The following RAB2A variants were observed in gnomAD, a reference collection of about 807,000 sequenced individuals.
The protein encoded by RAB2A is ras-related protein Rab-2A.
A neutral mutation model predicts 32.5 loss-of-function variants in RAB2A; 7 were observed. The ratio of observed to expected loss-of-function variants is 0.22; its 90% CI spans 0.12 to 0.40. RAB2A has a LOEUF of 0.40. Among genes scored for constraint, RAB2A ranks in the 10% least tolerant of loss-of-function variants. The probability of loss-of-function intolerance (pLI) is 1.00; values close to 1 mark genes in which losing one functional copy is unlikely to be tolerated. For synonymous variants in RAB2A, 79 were observed against 85.2 expected (o/e 0.93, Z 0.40); for missense variants, 108 against 260.7 (o/e 0.41, Z 4.03).
chr8:60,569,877 A>C, intron 2 of RAB2A: 1 of 428,270 alleles, frequency 2.3e-6, no homozygotes, highest in Non-Finnish European at 4.7e-6. Context: ...TAAGGTAAGC[A>C]AAGAGAATAT....
At chr8:60,557,349 C>T (rs556730256) in intron 1 of RAB2A, among the ~76,000 whole-genome samples, 284 of 152,156 alleles carry the variant, frequency 1.9e-3, no homozygotes, top group Non-Finnish European at 2.6e-3. Flanking sequence ...CACCCTGTCT[C>T]TACTAAAGAT....
At chr8:60,570,155 C>T in intron 2 of RAB2A, 1 of 403,778 alleles carries the variant, frequency 2.5e-6, no homozygotes, top group East Asian at 7.4e-5. Context: ...ACCTGCTCAC[C>T]CTTGGTATCA....
At chr8:60,536,271 T>C (rs1005443520) in intron 1 of RAB2A, among the ~76,000 whole-genome samples, 2 of 152,020 alleles carry the variant, frequency 1.3e-5, no homozygotes, top group Non-Finnish European at 2.9e-5. Flanking sequence ...ATTTTGTTAC[T>C]GTTAATACAT....
At chr8:60,559,942 G>C (rs568679740) in intron 2 of RAB2A, among the ~76,000 whole-genome samples, 29 of 152,188 alleles carry the variant, frequency 1.9e-4, no homozygotes, top group Non-Finnish European at 3.5e-4. Context: ...TACAGGTATA[G>C]TACTTTGTGG....
intron 1 of RAB2A, among the ~76,000 whole-genome samples, chr8:60,554,821 C>T (rs1807909620): frequency 6.6e-6 from 1 of 151,946 alleles, no homozygotes; most frequent in Admixed American, 6.5e-5. Flanking sequence ...CCACTGCACT[C>T]CAGCCTGGGC....
At chr8:60,619,111 C>G (rs1183559329) in intron 7 of RAB2A, 2 of 151,668 alleles carry the variant, frequency 1.3e-5, no homozygotes, top group Non-Finnish European at 2.9e-5. Context: ...CCCAATATAG[C>G]ATAGCATGTT....
At chr8:60,574,957 A>G (rs1037591013) in intron 3 of RAB2A, among the ~76,000 whole-genome samples, 2 of 152,140 alleles carry the variant, frequency 1.3e-5, no homozygotes, top group South Asian at 2.1e-4. Context: ...CAGCTTCTAC[A>G]TGGAGAGCTC....
At chr8:60,564,626 A>C (rs889548427) in intron 2 of RAB2A, among the ~76,000 whole-genome samples, 1 of 152,026 alleles carries the variant, frequency 6.6e-6, no homozygotes, top group Admixed American at 6.6e-5. Context: ...TGTCCCAAAT[A>C]GTTTCTGATT....
At chr8:60,613,199 A>G (rs1030507603) in intron 6 of RAB2A, among the ~76,000 whole-genome samples, 1 of 152,186 alleles carries the variant, frequency 6.6e-6, no homozygotes, top group Non-Finnish European at 1.5e-5. Context: ...ACTATAGAGC[A>G]TTGATCACCA....
intron 6 of RAB2A, among the ~76,000 whole-genome samples, chr8:60,593,119 C>T (rs148406666): frequency 2.4e-4 from 37 of 152,200 alleles, no homozygotes; most frequent in Middle Eastern, 6.8e-3. Flanking sequence ...GTATTTTCAC[C>T]GAAGAATTCT....
Position 60,618,580 on chromosome 8 carries a change from G to T in RAB2A, c.475G>T (p.Ala159Ser). The change falls in exon 7 of 8, where the codon GCA becomes TCA. Residue 159 changes from alanine (A) to serine (S), a missense_variant and splice_region_variant. Ala to Ser is a moderately conservative substitution (Grantham distance 99). This residue lies in a region of RAB2A where 79 missense variants were observed against 199.8 expected (regional missense o/e 0.40). Coordinates refer to ENST00000262646, the MANE Select transcript of RAB2A (RefSeq NM_002865.3). ...SAKTASNVEE[A>S]FINTAKEIYE... is the part of the protein sequence containing the mutation. ...ATGAACCAATTTCTCTATATTTCAG[G>T]CATTTATTAATACAGCAAAAGAAAT... The T allele has an allele frequency of 8.2e-7, 1 of 1,217,640 alleles. No individual in the cohort carries two copies. The highest frequency in any genetic ancestry group is 1.1e-6 in the Non-Finnish European group (1 of 910,630). The allele number at this position is 1,217,640 out of a possible 1,614,324, so 75.4% of individuals were successfully genotyped here. A position where few individuals can be genotyped will look rare whatever the true frequency, so the allele number is the denominator to read the frequency against.
rs574477233 is a variant in RAB2A at position 60,523,732 on chromosome 8, C to A, written c.46+6479C>A. Among the ~76,000 whole-genome samples the A allele has an allele frequency of 9.7e-4, 146 of 150,648 alleles. 1 individual carries two copies. Among genetic ancestry groups the A allele is most frequent in the Non-Finnish European group, 1.8e-3 (123 of 67,770 alleles). On this transcript the variant is annotated intron_variant, in intron 1 of 7. Transcript: ENST00000262646. ...TTTGAGACAAGTCTCGCTTTGTCGC[C>A]CAGGCTAGAGTGCAGTGGCGCGATC...
At chr8:60,564,556 C>G (rs1030873355) in intron 2 of RAB2A, among the ~76,000 whole-genome samples, 2 of 152,104 alleles carry the variant, frequency 1.3e-5, no homozygotes, top group African/African-American at 4.8e-5. Flanking sequence ...ATGTACAGAT[C>G]TAGCTACTTA....
intron 6 of RAB2A, among the ~76,000 whole-genome samples, chr8:60,611,166 G>A (rs1804340232): frequency 6.6e-6 from 1 of 152,078 alleles, no homozygotes; most frequent in African/African-American, 2.4e-5. Flanking sequence ...CATTGCTCTG[G>A]ACTCCTCAGT....
chr8:60,611,913 A>G (rs1023975833), intron 6 of RAB2A, among the ~76,000 whole-genome samples: 8 of 152,348 alleles, frequency 5.3e-5, no homozygotes, highest in Admixed American at 3.9e-4. Context: ...CCAATTATTA[A>G]TCTGCATTGC....
At chr8:60,619,786 G>A (rs1233927408) in intron 7 of RAB2A, among the ~76,000 whole-genome samples, 1 of 152,182 alleles carries the variant, frequency 6.6e-6, no homozygotes, top group African/African-American at 2.4e-5. Context: ...TGATTGTAAT[G>A]TGCTGTTGGG....
In RAB2A at chr8:60,592,926, C is replaced by A. The variant is rs992558191; in HGVS notation, c.474+957C>A. Among the ~76,000 whole-genome samples, 3 of 152,222 alleles carry A rather than the reference C, an allele frequency of 2.0e-5. No homozygotes were observed. In the South Asian group the frequency reaches 6.2e-4, roughly 32 times the overall value. On this transcript the variant is annotated intron_variant, in intron 6 of 7. Coordinates refer to ENST00000262646, the MANE Select transcript of RAB2A (RefSeq NM_002865.3). Reference sequence around the variant, plus strand: ...ATAAGAGCAACTACAGAAAGTAGTTCTAAAAAACAAATGAGTTAAGAATCA... The same window carrying A: ...ATAAGAGCAACTACAGAAAGTAGTTATAAAAAACAAATGAGTTAAGAATCA...
At chr8:60,616,964 G>T (rs1262482721) in intron 6 of RAB2A, among the ~76,000 whole-genome samples, 1 of 152,158 alleles carries the variant, frequency 6.6e-6, no homozygotes, top group Non-Finnish European at 1.5e-5. Flanking sequence ...AAGATAAAAG[G>T]TATGATTTGT....
intron 1 of RAB2A, among the ~76,000 whole-genome samples, chr8:60,521,659 C>A (rs1307107117): frequency 6.6e-6 from 1 of 151,990 alleles, no homozygotes; most frequent in Non-Finnish European, 1.5e-5. Context: ...TTGCTCTTGT[C>A]ACCCAGGCTG....
Sources: allele counts gnomAD v4.1 joint callset (sites outside exome capture counted in the v4.1 genomes callset), GRCh38; gene constraint gnomAD v4.1.1; regional missense constraint gnomAD v4.1.1; transcripts MANE v1.5; gene names NCBI Gene and HGNC (gene_info 2026-07-23, HGNC 2026-07-21).